NTM: variants seen among roughly 807,000 people sequenced by gnomAD.
NTM encodes the protein IgLON family member 2.
Under a neutral mutation model 42.1 loss-of-function variants are expected in NTM, and 13 were observed. That is an observed-to-expected ratio of 0.31 (90% CI 0.20 to 0.49). The LOEUF (loss-of-function observed/expected upper bound fraction) is 0.49. Ranked by LOEUF, NTM falls within the 20% of genes least tolerant of loss-of-function variation. The probability of loss-of-function intolerance (pLI) is 0.99; values close to 1 mark genes in which losing one functional copy is unlikely to be tolerated. For missense variants in NTM, 373 were observed against 452.8 expected (o/e 0.82, Z 1.60); for synonymous variants, 187 against 179.2 (o/e 1.04, Z -0.35).
intron 1 of NTM, among the ~76,000 whole-genome samples, chr11:131,477,302 A>G (rs1305017448): frequency 6.6e-6 from 1 of 152,144 alleles, no homozygotes; most frequent in Non-Finnish European, 1.5e-5. Context: ...GAAGAAACCC[A>G]TCCAGATTCC....
At chr11:131,961,961 T>C (rs746315452) in intron 2 of NTM, among the ~76,000 whole-genome samples, 18 of 152,008 alleles carry the variant, frequency 1.2e-4, no homozygotes, top group Non-Finnish European at 2.2e-4. Flanking sequence ...GCACCAATGG[T>C]GTCCATGTTT....
chr11:131,651,868 A>AC (rs2066536430), intron 1 of NTM, among the ~76,000 whole-genome samples: 1 of 151,906 alleles, frequency 6.6e-6, no homozygotes, highest in Non-Finnish European at 1.5e-5. Context: ...AAAGAAAAAA[A>AC]AAAATATCAT....
chr11:131,752,990 A>G (rs983474378), intron 1 of NTM, among the ~76,000 whole-genome samples: 8 of 152,192 alleles, frequency 5.3e-5, no homozygotes, highest in African/African-American at 1.9e-4. Context: ...CAACCTACCC[A>G]TCTGACAAAG....
At chr11:131,514,567 G>T (rs2048654146) in intron 1 of NTM, among the ~76,000 whole-genome samples, 1 of 152,006 alleles carries the variant, frequency 6.6e-6, no homozygotes, top group African/African-American at 2.4e-5. Context: ...AATTTGTTTT[G>T]TGATTTATTT....
intron 1 of NTM, among the ~76,000 whole-genome samples, chr11:131,498,265 A>G (rs1178943822): frequency 6.6e-6 from 1 of 152,188 alleles, no homozygotes; most frequent in African/African-American, 2.4e-5. Flanking sequence ...GGGACTTCAG[A>G]CAGAACTGAG....
At chr11:132,044,584 G>A (rs2077719401) in intron 2 of NTM, among the ~76,000 whole-genome samples, 1 of 152,054 alleles carries the variant, frequency 6.6e-6, no homozygotes. Flanking sequence ...GCCGACAACT[G>A]AGGGAAGCAA....
intron 1 of NTM, among the ~76,000 whole-genome samples, chr11:131,763,712 T>C: frequency 7.8e-6 from 1 of 128,546 alleles, no homozygotes; most frequent in African/African-American, 3.0e-5. Flanking sequence ...TCTCTCTCTT[T>C]TTTTTTTTTT....
chr11:131,514,663 T>G (rs943397575), intron 1 of NTM, among the ~76,000 whole-genome samples: 2 of 152,106 alleles, frequency 1.3e-5, no homozygotes, highest in African/African-American at 4.8e-5. Context: ...CACTGCAGCC[T>G]GAACTCCCAG....
intron 1 of NTM, among the ~76,000 whole-genome samples, chr11:131,664,753 G>GTTTTTTTTTT (rs199824869): frequency 8.9e-6 from 1 of 112,914 alleles, no homozygotes; most frequent in African/African-American, 3.4e-5. Context: ...CTCTTCCATT[G>GTTTTTTTTTT]TTTTTTTTTT....
At chr11:132,317,657 C>T (rs1289056970) in intron 7 of NTM, 1 of 1,303,206 alleles carries the variant, frequency 7.7e-7, no homozygotes, top group African/African-American at 1.5e-5. Context: ...CGATTTAGAA[C>T]TAAATGAGCC....
intron 1 of NTM, among the ~76,000 whole-genome samples, chr11:131,790,708 G>A (rs1565555637): frequency 3.3e-5 from 5 of 152,108 alleles, no homozygotes; most frequent in African/African-American, 9.7e-5. Flanking sequence ...ATACCCTGTG[G>A]CTAATATCTA....
At chr11:131,566,004 C>T (rs754085606) in intron 1 of NTM, among the ~76,000 whole-genome samples, 9 of 152,128 alleles carry the variant, frequency 5.9e-5, no homozygotes, top group Non-Finnish European at 1.3e-4. Flanking sequence ...CTGTGTGCAC[C>T]TCAAGCCTGA....
chr11:132,327,169 C>A (rs2095700681), intron 7 of NTM, among the ~76,000 whole-genome samples: 1 of 152,236 alleles, frequency 6.6e-6, no homozygotes, highest in Non-Finnish European at 1.5e-5. Flanking sequence ...CCATCCCTCA[C>A]TGGGCTTCTG....
intron 3 of NTM, among the ~76,000 whole-genome samples, chr11:132,209,786 A>G (rs559427286): frequency 6.6e-6 from 1 of 152,280 alleles, no homozygotes; most frequent in East Asian, 1.9e-4. Context: ...CACAGAGAAG[A>G]GTGTAAGCAC....
At chr11:131,735,155 A>G (rs957178868) in intron 1 of NTM, among the ~76,000 whole-genome samples, 1 of 152,194 alleles carries the variant, frequency 6.6e-6, no homozygotes, top group Non-Finnish European at 1.5e-5. Flanking sequence ...AAAGATGAGG[A>G]AAAGCAAACG....
At chr11:131,393,858 G>T (rs879374854) in intron 1 of NTM, among the ~76,000 whole-genome samples, 5 of 152,226 alleles carry the variant, frequency 3.3e-5, no homozygotes, top group Non-Finnish European at 5.9e-5. Context: ...AGAGGCTTTT[G>T]TTGTGTCATT....
At chr11:131,587,252 T>C (rs1334795919) in intron 1 of NTM, among the ~76,000 whole-genome samples, 1 of 152,070 alleles carries the variant, frequency 6.6e-6, no homozygotes, top group Non-Finnish European at 1.5e-5. Flanking sequence ...ATCGAGACCA[T>C]CCTGGATAAC....
intron 1 of NTM, among the ~76,000 whole-genome samples, chr11:131,540,079 C>T (rs1252973865): frequency 6.6e-6 from 1 of 151,358 alleles, no homozygotes; most frequent in South Asian, 2.1e-4. Context: ...AAAGCTCTGG[C>T]TGATTCATTA....
At chr11:131,813,764 C>T (rs1486927561) in intron 1 of NTM, among the ~76,000 whole-genome samples, 1 of 152,150 alleles carries the variant, frequency 6.6e-6, no homozygotes, top group Non-Finnish European at 1.5e-5. Context: ...TTCTGTGATG[C>T]AATTGGCAGT....
Sources: allele counts gnomAD v4.1 joint callset (sites outside exome capture counted in the v4.1 genomes callset), GRCh38; gene constraint gnomAD v4.1.1; transcripts MANE v1.5; gene names NCBI Gene and HGNC (gene_info 2026-07-23, HGNC 2026-07-21).